Variants in CLDN14 observed in about 807,000 individuals in gnomAD.
The protein encoded by CLDN14 is claudin 14.
CLDN14 carries 2 observed loss-of-function variants against 2.1 expected under a neutral mutation model. That is an observed-to-expected ratio of 0.96 (90% confidence interval 0.39 to 3.01). The LOEUF is 3.01. Among genes scored for constraint, CLDN14 ranks in the 30% most tolerant of loss-of-function variants. The pLI is 0.09. For synonymous variants in CLDN14, 136 were observed against 154.4 expected, an observed-to-expected ratio of 0.88 and a Z score of 0.88; for missense variants, 298 against 328.0, an observed-to-expected ratio of 0.91 and a Z score of 0.71.
intron 1 of CLDN14, among the ~76,000 whole-genome samples, chr21:36,537,138 C>T (rs986863174): frequency 5.9e-5 from 9 of 152,052 alleles, no homozygotes; most frequent in African/African-American, 1.9e-4. Context: ...TGCAGTGAGC[C>T]GGAGATGGCG....
chr21:36,500,516 C>G (rs898680748), intron 2 of CLDN14, among the ~76,000 whole-genome samples: 1 of 152,206 alleles, frequency 6.6e-6, no homozygotes, highest in African/African-American at 2.4e-5. Context: ...ACCGCAACCT[C>G]CACCTCCTGG....
In CLDN14 at chr21:36,512,547, G is replaced by A. The variant is rs950548537; in HGVS notation, c.-219-2047C>T. Among the ~76,000 whole-genome samples the A allele has an allele frequency of 3.9e-5, 6 of 152,314 alleles. No individual in the cohort carries two copies. In the East Asian group the frequency reaches 1.2e-3, roughly 29 times the overall value. On this transcript the variant is annotated intron_variant, in intron 1 of 2. Transcript: ENST00000342108. ...CAAGACAATAGAATATCCACTCTCC[G>A]GAATAATATTCAGCCATTAACATGG...
At chr21:36,501,024 C>T (rs1210632334) in intron 2 of CLDN14, among the ~76,000 whole-genome samples, 3 of 152,258 alleles carry the variant, frequency 2.0e-5, no homozygotes, top group Non-Finnish European at 4.4e-5. Flanking sequence ...GCCCAGCTAA[C>T]ACCCGGGGGG....
chr21:36,490,475 A>G (rs992891510), intron 2 of CLDN14, among the ~76,000 whole-genome samples: 1 of 136,588 alleles, frequency 7.3e-6, no homozygotes, highest in African/African-American at 2.8e-5. Flanking sequence ...TGCAACCTCC[A>G]CCTCCTGGGT....
intron 1 of CLDN14, among the ~76,000 whole-genome samples, chr21:36,546,969 A>C (rs12626500): frequency 1.3e-5 from 2 of 152,284 alleles, no homozygotes; most frequent in Admixed American, 6.5e-5. Flanking sequence ...TGCTCTTGGC[A>C]TCTAGTGGGT....
intron 1 of CLDN14, among the ~76,000 whole-genome samples, chr21:36,513,213 C>T (rs1324188007): frequency 6.6e-6 from 1 of 152,164 alleles, no homozygotes; most frequent in Non-Finnish European, 1.5e-5. Context: ...AGGAACTGTC[C>T]AGGGGGCTGC....
At position 36,467,607 on chromosome 21, in the gene CLDN14, G is replaced by A. The variant is rs142051161; in HGVS notation, c.-81-5831C>T. On this transcript the variant is annotated intron_variant, in intron 1 of 1. Transcript: ENST00000399135. ...CTGCAAGTTCTTCTTTGGTAAAGGCGGTGGTGGGGGGTGTCTCTAGTCAAA... is the reference window on the plus strand; with the variant it reads ...CTGCAAGTTCTTCTTTGGTAAAGGCAGTGGTGGGGGGTGTCTCTAGTCAAA... Among the ~76,000 whole-genome samples the A allele has an allele frequency of 5.1e-3, 772 of 151,932 alleles. 5 individuals carry two copies. Among genetic ancestry groups the A allele is most frequent in the African/African-American group, 0.016 (680 of 41,430 alleles).
chr21:36,461,686 T>C lies in CLDN14; in HGVS notation c.10A>G (p.Thr4Ala), dbSNP rs374578221. The change falls in exon 2 of 2, where the codon ACG becomes GCG. Residue 4 changes from threonine (T) to alanine (A), a missense_variant. Transcript: ENST00000399135. MAS[T>A]AVQLLGFLLS... ...AGGAAGCCCAGAAGCTGCACGGCCGTGCTGGCCATGGTGCGGCTGCCTGCC... is the reference window on the plus strand; with the variant it reads ...AGGAAGCCCAGAAGCTGCACGGCCGCGCTGGCCATGGTGCGGCTGCCTGCC... 2.3e-5 allele frequency: 36 copies of C among 1,551,390 alleles called. No homozygotes were observed. The highest frequency in any genetic ancestry group is 1.8e-4 in the Middle Eastern group (1 of 5,522).
intron 2 of CLDN14, among the ~76,000 whole-genome samples, chr21:36,490,279 C>T (rs1410378738): frequency 2.0e-5 from 3 of 152,166 alleles, no homozygotes; most frequent in African/African-American, 7.2e-5. Flanking sequence ...CCGTGGGTCA[C>T]CGCAGCCTTG....
At chr21:36,530,728 G>A (rs372702768) in intron 1 of CLDN14, among the ~76,000 whole-genome samples, 3 of 152,140 alleles carry the variant, frequency 2.0e-5, no homozygotes, top group Non-Finnish European at 2.9e-5. Flanking sequence ...GCAAAAGGGA[G>A]ATATTTCAAA....
chr21:36,568,046 G>A (rs988872150), intron 1 of CLDN14, among the ~76,000 whole-genome samples: 3 of 152,192 alleles, frequency 2.0e-5, no homozygotes, highest in Non-Finnish European at 2.9e-5. Flanking sequence ...AAAGGCAACC[G>A]GGAATGGTTC....
intron 1 of CLDN14, among the ~76,000 whole-genome samples, chr21:36,537,201 A>G (rs540387733): frequency 6.6e-6 from 1 of 152,266 alleles, no homozygotes; most frequent in South Asian, 2.1e-4. Context: ...CAAACAAACA[A>G]ACAAAAAACA....
chr21:36,479,084 CT>C (rs1467070281), intron 1 of CLDN14, among the ~76,000 whole-genome samples: 1 of 152,160 alleles, frequency 6.6e-6, no homozygotes, highest in East Asian at 1.9e-4. Context: ...GCCTGGCCCT[CT>C]TTGCAGAAAA....
chr21:36,574,460 GA>G (rs1427900598), intron 1 of CLDN14, among the ~76,000 whole-genome samples: 1 of 152,168 alleles, frequency 6.6e-6, no homozygotes, highest in African/African-American at 2.4e-5. Context: ...AAACTCCGAA[GA>G]AGGCATAGTT....
chr21:36,540,028 TG>T, intron 1 of CLDN14, among the ~76,000 whole-genome samples: 1 of 149,536 alleles, frequency 6.7e-6, no homozygotes, highest in Non-Finnish European at 1.5e-5. Context: ...GGTATGTGTA[TG>T]GTGTGGTGTG....
chr21:36,495,602 C>T (rs2087008711), intron 2 of CLDN14, among the ~76,000 whole-genome samples: 2 of 152,244 alleles, frequency 1.3e-5, no homozygotes. Context: ...CTGATGTTTA[C>T]AATGAGCAGT....
At chr21:36,519,887 A>G (rs1195638617) in intron 1 of CLDN14, among the ~76,000 whole-genome samples, 1 of 152,162 alleles carries the variant, frequency 6.6e-6, no homozygotes, top group African/African-American at 2.4e-5. Context: ...GTGCAGAGTC[A>G]CGGTGCCAGG....
chr21:36,477,282 A>G (rs1169323805), intron 1 of CLDN14: 1 of 152,172 alleles, frequency 6.6e-6, no homozygotes, highest in Non-Finnish European at 1.5e-5. Context: ...CCTTAAAACA[A>G]TGAGTGCATT....
At chr21:36,524,553 G>A (rs1036209246) in intron 1 of CLDN14, among the ~76,000 whole-genome samples, 12 of 152,326 alleles carry the variant, frequency 7.9e-5, no homozygotes, top group East Asian at 1.9e-4. Flanking sequence ...GGCAGATACC[G>A]ACCCTGAGCT....
Sources: allele counts gnomAD v4.1 joint callset (sites outside exome capture counted in the v4.1 genomes callset), GRCh38; gene constraint gnomAD v4.1.1; transcripts MANE v1.5; gene names NCBI Gene and HGNC (gene_info 2026-07-23, HGNC 2026-07-21).